The following SPAST variants were observed in gnomAD, a reference collection of about 807,000 sequenced individuals.
The protein encoded by SPAST is spastin.
In SPAST, 30 loss-of-function variants were observed where a neutral mutation model predicts 76.6. That is an observed-to-expected ratio of 0.39 (90% CI 0.29 to 0.53). The LOEUF (loss-of-function observed/expected upper bound fraction) is 0.53, where lower values mean the gene tolerates loss of function less well. Among genes scored for constraint, SPAST ranks in the 20% least tolerant of loss-of-function variants. SPAST has a pLI of 0.68. For missense variants in SPAST, 717 were observed against 770.5 expected (o/e 0.93, Z 0.82); for synonymous variants, 305 against 281.0 (o/e 1.09, Z -0.86).
At chr2:32,092,143 G>A (rs1382371450) in intron 3 of SPAST, among the ~76,000 whole-genome samples, 1 of 152,008 alleles carries the variant, frequency 6.6e-6, no homozygotes, top group East Asian at 1.9e-4. Context: ...TGTGTTTGTG[G>A]GATTTTTGCC....
At chr2:32,067,665 G>C (rs898305352) in intron 1 of SPAST, among the ~76,000 whole-genome samples, 1 of 150,406 alleles carries the variant, frequency 6.6e-6, no homozygotes, top group Non-Finnish European at 1.5e-5. Context: ...ATTTATTTTA[G>C]AGACAGTGTT....
chr2:32,133,197 T>G (rs1378777200), intron 9 of SPAST, among the ~76,000 whole-genome samples: 1 of 152,248 alleles, frequency 6.6e-6, no homozygotes, highest in Non-Finnish European at 1.5e-5. Flanking sequence ...AAAAATCAGT[T>G]ACATATGTAT....
intron 1 of SPAST, among the ~76,000 whole-genome samples, chr2:32,081,629 C>G (rs1044895682): frequency 6.6e-6 from 1 of 151,680 alleles, no homozygotes. Flanking sequence ...ACTAAAAATA[C>G]AAAACTTAGC....
chr2:32,121,522 T>C (rs1679018978), intron 7 of SPAST, among the ~76,000 whole-genome samples: 1 of 150,770 alleles, frequency 6.6e-6, no homozygotes, highest in African/African-American at 2.4e-5. Flanking sequence ...GTTTTTTTGT[T>C]TCATCTTTCT....
intron 1 of SPAST, among the ~76,000 whole-genome samples, chr2:32,078,453 G>C (rs1045510852): frequency 6.6e-6 from 1 of 152,152 alleles, no homozygotes; most frequent in Admixed American, 6.6e-5. Context: ...TGGGATTACA[G>C]GTGTGAGCCA....
At chr2:32,101,400 C>A (rs1182257688) in intron 4 of SPAST, among the ~76,000 whole-genome samples, 1 of 152,088 alleles carries the variant, frequency 6.6e-6, no homozygotes, top group Non-Finnish European at 1.5e-5. Flanking sequence ...AATTTTCTCC[C>A]ATTCTATAGG....
At chr2:32,133,009 C>T (rs1001064782) in intron 9 of SPAST, among the ~76,000 whole-genome samples, 2 of 151,444 alleles carry the variant, frequency 1.3e-5, no homozygotes, top group Non-Finnish European at 2.9e-5. Context: ...TTGCGCCATT[C>T]CACTCCAGCC....
At chr2:32,126,903 A>T (rs764943214) in intron 7 of SPAST, 45 bp from the exon 8 acceptor site, 14 of 1,351,216 alleles carry the variant, frequency 1.0e-5, no homozygotes, top group African/African-American at 1.4e-5. Context: ...AGTACTTAAA[A>T]TGTCTCTAGA....
chr2:32,123,391 G>A (rs927365817), intron 7 of SPAST, among the ~76,000 whole-genome samples: 1 of 152,136 alleles, frequency 6.6e-6, no homozygotes, highest in African/African-American at 2.4e-5. Flanking sequence ...AAAGATCTAA[G>A]TAAACTGAGA....
chr2:32,091,546 G>C (rs989196674), intron 3 of SPAST, among the ~76,000 whole-genome samples: 9 of 149,568 alleles, frequency 6.0e-5, no homozygotes, highest in Admixed American at 1.3e-4. Flanking sequence ...CAAAGTGCTG[G>C]GATAGGCCGG....
chr2:32,081,992 T>G lies in SPAST; in HGVS notation c.416-5500T>G, dbSNP rs561015497. On this transcript the variant is annotated intron_variant, in intron 1 of 16. Transcript: ENST00000315285. ...AAACAGATGTTTTTAAAACTTTTTT[T>G]CTAGTTCTCTCTCTTTTTTTTTTTT... Among the ~76,000 whole-genome samples the G allele has an allele frequency of 1.1e-4, 16 of 149,346 alleles. 1 individual carries two copies. The South Asian group carries it at 2.3e-3, about 22-fold the overall frequency.
At chr2:32,103,299 A>G (rs1020845504) in intron 4 of SPAST, among the ~76,000 whole-genome samples, 6 of 151,874 alleles carry the variant, frequency 4.0e-5, no homozygotes, top group Admixed American at 6.6e-5. Context: ...ATTTCTGTGG[A>G]ATCGGTGGTG....
intron 7 of SPAST, among the ~76,000 whole-genome samples, chr2:32,123,177 G>T (rs1165608978): frequency 6.6e-6 from 1 of 151,812 alleles, no homozygotes; most frequent in Non-Finnish European, 1.5e-5. Flanking sequence ...CAGGAGAATC[G>T]CTTGAACCCA....
intron 7 of SPAST, among the ~76,000 whole-genome samples, chr2:32,120,750 A>T (rs1385019378): frequency 6.6e-6 from 1 of 151,836 alleles, no homozygotes; most frequent in African/African-American, 2.4e-5. Flanking sequence ...TGTCTTTTAA[A>T]TTCCATATTT....
chr2:32,121,251 C>G (rs1038011781), intron 7 of SPAST, among the ~76,000 whole-genome samples: 1 of 152,040 alleles, frequency 6.6e-6, no homozygotes, highest in African/African-American at 2.4e-5. Flanking sequence ...CTCTGGGGTT[C>G]AAGCGATTCT....
chr2:32,066,166 T>C (rs1364121516), intron 1 of SPAST: 1 of 151,636 alleles, frequency 6.6e-6, no homozygotes, highest in Non-Finnish European at 1.5e-5. Context: ...GTAGAGATGG[T>C]GTTTCACCAT....
chr2:32,064,875 A>C (rs184611104), intron 1 of SPAST, among the ~76,000 whole-genome samples: 6 of 152,354 alleles, frequency 3.9e-5, no homozygotes, highest in Non-Finnish European at 7.3e-5. Flanking sequence ...ACAGTATTCC[A>C]AAGTAGCCTT....
rs1337626333 is a variant in SPAST at position 32,063,577 on chromosome 2, C to T, written c.-255C>T. ...GTGCGCGGCCGCCGCTGGGAGCCACCAGGCGGCGGAGAGGACAGCGACAGG... is the reference window on the plus strand; with the variant it reads ...GTGCGCGGCCGCCGCTGGGAGCCACTAGGCGGCGGAGAGGACAGCGACAGG... On this transcript the variant is annotated 5_prime_UTR_variant, in exon 1 of 17. Transcript: ENST00000315285. 3.9e-6 allele frequency: 2 copies of T among 511,126 alleles called. No homozygotes were observed. Among genetic ancestry groups the T allele is most frequent in the Non-Finnish European group, 6.8e-6 (2 of 292,398 alleles). 31.7% of individuals were successfully genotyped at this position (511,126 alleles called of 1,614,324 possible). A position where few individuals can be genotyped will look rare whatever the true frequency, so the allele number is the denominator to read the frequency against.
chr2:32,098,331 G>A (rs1677998596), intron 3 of SPAST, among the ~76,000 whole-genome samples: 1 of 152,080 alleles, frequency 6.6e-6, no homozygotes, highest in Non-Finnish European at 1.5e-5. Flanking sequence ...GCATAGTGGT[G>A]TCTGTATGTA....
Sources: allele counts gnomAD v4.1 joint callset (sites outside exome capture counted in the v4.1 genomes callset), GRCh38; gene constraint gnomAD v4.1.1; transcripts MANE v1.5; gene names NCBI Gene and HGNC (gene_info 2026-07-23, HGNC 2026-07-21).